Variants in CELF4 observed in about 807,000 individuals in gnomAD.
The protein encoded by CELF4 is CUGBP Elav-like family member 4.
In CELF4, 18 loss-of-function variants were observed where a neutral mutation model predicts 59.9. The ratio of observed to expected loss-of-function variants is 0.30; its 90% confidence interval spans 0.21 to 0.45. CELF4 has a LOEUF of 0.45. Ranked by LOEUF, CELF4 falls within the 20% of genes least tolerant of loss-of-function variation. The pLI, the probability that CELF4 is intolerant of heterozygous loss-of-function variation, is 1.00. For synonymous variants in CELF4, 261 were observed against 267.1 expected (o/e 0.98, Z 0.22); for missense variants, 456 against 689.0 (o/e 0.66, Z 3.79).
At chr18:37,529,817 G>A (rs1468686811) in intron 1 of CELF4, among the ~76,000 whole-genome samples, 7 of 152,118 alleles carry the variant, frequency 4.6e-5, no homozygotes, top group Non-Finnish European at 7.4e-5. Flanking sequence ...CTTGGCCTCC[G>A]TATATCTCCC....
Position 37,485,604 on chromosome 18 carries a change from C to A in CELF4, c.290G>T (p.Cys97Phe). 1 of 1,453,010 alleles carries A rather than the reference C, an allele frequency of 6.9e-7. No individual in the cohort carries two copies. The highest frequency in any genetic ancestry group is 9.2e-7 in the Non-Finnish European group (1 of 1,089,984). 90.0% of individuals were successfully genotyped at this position (1,453,010 alleles called of 1,614,324 possible). Reference sequence around the variant, plus strand: ...ACGCTCGCAGTAGGTGAGGAAGGCGCAGCCTGGGGAGGAAAGCAAGCGCCA... The same window carrying A: ...ACGCTCGCAGTAGGTGAGGAAGGCGAAGCCTGGGGAGGAAAGCAAGCGCCA... ...KDRFTGMHKG[C>F]AFLTYCERES... The change falls in exon 2 of 13, where the codon TGC becomes TTC. Residue 97 changes from cysteine to phenylalanine, a missense_variant. This residue lies in a region of CELF4 where 63 missense variants were observed against 110.6 expected (regional missense o/e 0.57). Coordinates refer to ENST00000420428, the MANE Select transcript of CELF4 (RefSeq NM_020180.4).
At chr18:37,307,228 T>C (rs1480582237) in intron 3 of CELF4, among the ~76,000 whole-genome samples, 1 of 152,148 alleles carries the variant, frequency 6.6e-6, no homozygotes, top group African/African-American at 2.4e-5. Flanking sequence ...TCTGGGCAAA[T>C]TGGACCTTCT....
chr18:37,550,873 A>G (rs574109512), intron 1 of CELF4, among the ~76,000 whole-genome samples: 1 of 152,376 alleles, frequency 6.6e-6, no homozygotes, highest in South Asian at 2.1e-4. Context: ...CCCTGTTAAA[A>G]GGCACGTGGC....
chr18:37,521,144 C>T (rs1364554353), intron 1 of CELF4, among the ~76,000 whole-genome samples: 1 of 152,164 alleles, frequency 6.6e-6, no homozygotes, highest in Non-Finnish European at 1.5e-5. Context: ...CACCAACTAG[C>T]CAAGTGACTG....
intron 2 of CELF4, among the ~76,000 whole-genome samples, chr18:37,456,126 C>T (rs867452835): frequency 1.3e-5 from 2 of 152,218 alleles, no homozygotes; most frequent in African/African-American, 4.8e-5. Context: ...TCAGTGCTGG[C>T]ACCTTCCTCT....
intron 2 of CELF4, among the ~76,000 whole-genome samples, chr18:37,445,615 A>G (rs1309065914): frequency 6.6e-6 from 1 of 152,006 alleles, no homozygotes; most frequent in Non-Finnish European, 1.5e-5. Context: ...CATGAAGACA[A>G]TGCCCGCAAG....
At chr18:37,288,331 G>A (rs762362165) in intron 3 of CELF4, among the ~76,000 whole-genome samples, 26 of 152,292 alleles carry the variant, frequency 1.7e-4, no homozygotes, top group African/African-American at 4.6e-4. Context: ...GTGGTGAGAC[G>A]GCAGGTGTTG....
chr18:37,528,062 G>A (rs371040037), intron 1 of CELF4, among the ~76,000 whole-genome samples: 17 of 152,192 alleles, frequency 1.1e-4, no homozygotes, highest in African/African-American at 3.9e-4. Context: ...TTGCAGGTGA[G>A]GAAACTGAGG....
intron 12 of CELF4, among the ~76,000 whole-genome samples, chr18:37,252,438 A>G (rs1394087479): frequency 6.6e-6 from 1 of 151,806 alleles, no homozygotes; most frequent in Non-Finnish European, 1.5e-5. Context: ...TCACTCTCCT[A>G]TTCAGAACTC....
rs1042118920 is a variant in CELF4, at chr18:37,319,466, C to T, written c.448+2337G>A. 2.6e-5 allele frequency among the ~76,000 whole-genome samples: 4 copies of T among 152,322 alleles called. 1 individual carries two copies. Among genetic ancestry groups the T allele is most frequent in the African/African-American group, 9.6e-5 (4 of 41,570 alleles). On this transcript the variant is annotated intron_variant, in intron 3 of 12. Coordinates refer to ENST00000420428, the MANE Select transcript of CELF4 (RefSeq NM_020180.4). Reference sequence around the variant, plus strand: ...GGCAGCCCCAAGACACCAGCCCAAGCCCTAGTGGGTAGGATCTGAGGTCCG... The same window carrying T: ...GGCAGCCCCAAGACACCAGCCCAAGTCCTAGTGGGTAGGATCTGAGGTCCG...
At chr18:37,380,474 A>G (rs774669408) in intron 2 of CELF4, among the ~76,000 whole-genome samples, 3 of 152,190 alleles carry the variant, frequency 2.0e-5, no homozygotes, top group Non-Finnish European at 4.4e-5. Context: ...GTAAACCATC[A>G]GTCATTCTTC....
At chr18:37,473,036 G>T (rs1453326737) in intron 2 of CELF4, among the ~76,000 whole-genome samples, 1 of 152,098 alleles carries the variant, frequency 6.6e-6, no homozygotes, top group Non-Finnish European at 1.5e-5. Context: ...GTGACCAGAG[G>T]CTCACTACCT....
At chr18:37,379,147 G>T (rs755970882) in intron 2 of CELF4, among the ~76,000 whole-genome samples, 2 of 152,148 alleles carry the variant, frequency 1.3e-5, no homozygotes, top group African/African-American at 2.4e-5. Flanking sequence ...TGCCTCCCCC[G>T]GGGCCTGGCC....
rs545865339 is a variant in CELF4 at position 37,387,894 on chromosome 18, G to A, written c.370-66013C>T. On this transcript the variant is annotated intron_variant, in intron 2 of 12. Transcript: ENST00000420428. ...TCTCTCATCAGAACAGAGGAAAGTA[G>A]GGCCTCATCTCACCTGGCCTGGGGC... 4.6e-5 allele frequency among the ~76,000 whole-genome samples: 7 copies of A among 152,268 alleles called. No homozygotes were observed. In the South Asian group the frequency reaches 1.5e-3, roughly 32 times the overall value.
chr18:37,469,956 C>T (rs545337128), intron 2 of CELF4, among the ~76,000 whole-genome samples: 2 of 152,218 alleles, frequency 1.3e-5, no homozygotes, highest in South Asian at 2.1e-4. Flanking sequence ...CGCAGGACAG[C>T]CCCCAGTGAA....
At chr18:37,297,320 G>A (rs772532512) in intron 3 of CELF4, among the ~76,000 whole-genome samples, 1 of 152,202 alleles carries the variant, frequency 6.6e-6, no homozygotes, top group Non-Finnish European at 1.5e-5. Context: ...TTTGGGGTAA[G>A]CATTGCTGTC....
chr18:37,248,779 G>T (rs1263116837), intron 12 of CELF4, among the ~76,000 whole-genome samples: 1 of 152,020 alleles, frequency 6.6e-6, no homozygotes, highest in South Asian at 2.1e-4. Flanking sequence ...GCCCCTTTGG[G>T]GTCCTTAGCT....
intron 1 of CELF4, among the ~76,000 whole-genome samples, chr18:37,562,048 T>C (rs1286842642): frequency 2.0e-5 from 3 of 152,120 alleles, no homozygotes; most frequent in Non-Finnish European, 4.4e-5. Flanking sequence ...GATACCCCTC[T>C]CCCCAATTGC....
At chr18:37,481,947 A>G (rs750429654) in intron 2 of CELF4, among the ~76,000 whole-genome samples, 5 of 152,250 alleles carry the variant, frequency 3.3e-5, no homozygotes, top group Non-Finnish European at 7.3e-5. Context: ...TCTTCTTCAT[A>G]GCGTAGTTTT....
Sources: gnomAD v4.1 joint callset for allele counts (sites outside exome capture counted in the v4.1 genomes callset) on GRCh38, gnomAD v4.1.1 for gene constraint, gnomAD v4.1.1 regional missense constraint, MANE v1.5 for transcripts, NCBI Gene and HGNC (gene_info 2026-07-23, HGNC 2026-07-21) for gene names.